ATAD3B: variants seen among roughly 807,000 people sequenced by gnomAD.
The protein encoded by ATAD3B is ATPase family AAA domain containing 3B, also known as ATPase family AAA domain-containing protein 3B.
In ATAD3B, 59 loss-of-function variants were observed where a neutral mutation model predicts 70.2. The ratio of observed to expected loss-of-function variants is 0.84; its 90% CI spans 0.68 to 1.04. The LOEUF (loss-of-function observed/expected upper bound fraction) is 1.04, where lower values mean the gene tolerates loss of function less well. Ranked by LOEUF, ATAD3B falls within the 50% of genes least tolerant of loss-of-function variation. ATAD3B has a pLI of 0.00. For missense variants in ATAD3B, 961 were observed against 913.4 expected (o/e 1.05, Z -0.67); for synonymous variants, 423 against 388.6 (o/e 1.09, Z -1.04).
intron 13 of ATAD3B, chr1:1,489,625 T>C (rs900805354): frequency 1.1e-5 from 15 of 1,324,610 alleles, no homozygotes; most frequent in African/African-American, 1.6e-5. Context: ...CGGCCCTATG[T>C]CCAGGCTCCC....
downstream of ATAD3B, among the ~76,000 whole-genome samples, chr1:1,498,730 TCTCA>T (rs576884860): frequency 2.6e-3 from 385 of 150,502 alleles, 2 homozygotes; most frequent in Middle Eastern, 0.014. Context: ...TCAGACGGAG[TCTCA>T]CTCCGTCGCC....
At chr1:1,503,542 C>G in the ATAD3B span, 21 of 1,581,636 alleles carry the variant, frequency 1.3e-5, no homozygotes, top group Non-Finnish European at 1.5e-5. Context: ...CAGCGGCATC[C>G]GTGTATCCTA....
the ATAD3B span, among the ~76,000 whole-genome samples, chr1:1,503,899 G>T: frequency 4.6e-5 from 7 of 152,222 alleles, no homozygotes; most frequent in East Asian, 1.4e-3. Context: ...TTGTCCGGAG[G>T]ATGGGGATCT....
Position 1,480,758 on chromosome 1 carries a change from C to T in ATAD3B, c.445-109C>T, listed in dbSNP as rs866552408. 2.6e-6 allele frequency: 4 copies of T among 1,547,896 alleles called. No individual in the cohort carries two copies. In the South Asian group the frequency reaches 4.7e-5, roughly 18 times the overall value. ...GCGGCGTCTGCAGGTCCCCAGGTGC[C>T]CAGGACGCTTGGAGTTCTGTGGTCC... On this transcript the variant is annotated intron_variant, in intron 4 of 15. Coordinates refer to ENST00000673477, the MANE Select transcript of ATAD3B (RefSeq NM_031921.6).
intron 11 of ATAD3B, among the ~76,000 whole-genome samples, chr1:1,487,281 G>T (rs1350918415): frequency 2.6e-5 from 4 of 151,856 alleles, no homozygotes; most frequent in Admixed American, 6.6e-5. Flanking sequence ...GAGGCCAGGA[G>T]ATTGAGACCA....
chr1:1,506,516 C>T, the ATAD3B span, among the ~76,000 whole-genome samples: 1 of 151,838 alleles, frequency 6.6e-6, no homozygotes, highest in Non-Finnish European at 1.5e-5. Flanking sequence ...TCTGCCTTGG[C>T]TCCCAAAGTG....
chr1:1,504,047 G>T, the ATAD3B span, among the ~76,000 whole-genome samples: 3 of 151,958 alleles, frequency 2.0e-5, no homozygotes, highest in East Asian at 3.9e-4. Flanking sequence ...GAGTGTCGTG[G>T]TGCGTTCTCG....
At chr1:1,507,570 A>G in the ATAD3B span, among the ~76,000 whole-genome samples, 2 of 152,048 alleles carry the variant, frequency 1.3e-5, no homozygotes. Context: ...TAATTTTTTT[A>G]TTATACTGCT....
chr1:1,496,028 A>G lies in ATAD3B; in HGVS notation c.*211A>G. The G allele has an allele frequency of 7.5e-7, 1 of 1,328,856 alleles. No individual in the cohort carries two copies. Among genetic ancestry groups the G allele is most frequent in the Non-Finnish European group, 9.6e-7 (1 of 1,040,214 alleles). 82.3% of individuals were successfully genotyped at this position (1,328,856 alleles called of 1,614,324 possible). On this transcript the variant is annotated 3_prime_UTR_variant, in exon 16 of 16. Coordinates refer to ENST00000673477, the MANE Select transcript of ATAD3B (RefSeq NM_031921.6). ...TCGGCTCCCACAGCAGAGCCAGGTG[A>G]GGGGGGGCCTGCCAGGACTAGACAG...
At chr1:1,493,647 T>C (rs1640642776) in intron 15 of ATAD3B, among the ~76,000 whole-genome samples, 1 of 151,002 alleles carries the variant, frequency 6.6e-6, no homozygotes, top group Non-Finnish European at 1.5e-5. Context: ...ATCATAAAAG[T>C]GTGTTGAATT....
intron 8 of ATAD3B, 26 bp downstream of exon 8, chr1:1,485,197 T>A: frequency 1.2e-6 from 2 of 1,607,288 alleles, no homozygotes; most frequent in South Asian, 2.2e-5. Context: ...TGGCCCTCCC[T>A]GAGTGCAGTT....
chr1:1,507,489 G>T, the ATAD3B span, among the ~76,000 whole-genome samples: 9 of 152,160 alleles, frequency 5.9e-5, no homozygotes, highest in Non-Finnish European at 1.0e-4. Flanking sequence ...TGAACATTTC[G>T]TATGTGGAAC....
the ATAD3B span, among the ~76,000 whole-genome samples, chr1:1,503,050 C>G: frequency 6.6e-6 from 1 of 151,132 alleles, no homozygotes; most frequent in Non-Finnish European, 1.5e-5. Flanking sequence ...GGGTGAAACC[C>G]TGTCTCTACT....
rs145173454 is a variant in ATAD3B, at chr1:1,487,849, T to C, written c.1215-14T>C. On this transcript the variant is annotated splice_polypyrimidine_tract_variant and intron_variant, in intron 11 of 15. Transcript: ENST00000673477. ...CGTCACTCTCGCCTTGCTTGGCCTC[T>C]CTCTCGTTCACAGCCTCCTGCTCTT... 1,400 of 1,612,454 alleles carry C rather than the reference T, an allele frequency of 8.7e-4. 26 individuals are homozygous for C. The highest frequency in any genetic ancestry group is 6.0e-3 in the South Asian group (550 of 91,000).
chr1:1,500,522 A>G (rs1325032225), downstream of ATAD3B, among the ~76,000 whole-genome samples: 5 of 142,608 alleles, frequency 3.5e-5, no homozygotes, highest in Admixed American at 7.3e-5. Context: ...ACTGCCCTCC[A>G]GTCTCTGGGG....
At chr1:1,503,289 C>G in the ATAD3B span, 2 of 345,620 alleles carry the variant, frequency 5.8e-6, no homozygotes, top group Admixed American at 3.9e-5. Context: ...CATCGCCTGA[C>G]TTTGTGTTGA....
rs1165268065 is a variant in ATAD3B at position 1,472,229 on chromosome 1, G to A, written c.205+140G>A. On this transcript the variant is annotated intron_variant, in intron 1 of 15. Coordinates refer to ENST00000673477, the MANE Select transcript of ATAD3B (RefSeq NM_031921.6). ...TGCGCCCCCGGAGCACCCCCGGCCG[G>A]AGCCGTCTCGCGTGCCGGGAGGATC... 9 of 1,406,234 alleles carry A rather than the reference G, an allele frequency of 6.4e-6. No homozygotes were observed. In the Admixed American group the frequency reaches 1.8e-4, roughly 28 times the overall value. The allele number at this position is 1,406,234 out of a possible 1,614,324, so 87.1% of individuals were successfully genotyped here.
chr1:1,497,387 C>T lies in ATAD3B; in HGVS notation c.*1570C>T, dbSNP rs1015550964. On this transcript the variant is annotated 3_prime_UTR_variant, in exon 16 of 16. Coordinates refer to ENST00000673477, the MANE Select transcript of ATAD3B (RefSeq NM_031921.6). ...TTAGCCCCAGAGGCGTGCACCACCA[C>T]GCCCGCTAATGCTAAAAATTTGTTG... 5 of 148,618 alleles carry T rather than the reference C, an allele frequency of 3.4e-5. No individual in the cohort carries two copies. The highest frequency in any genetic ancestry group is 6.7e-5 in the Admixed American group (1 of 14,832). 9.2% of individuals were successfully genotyped at this position (148,618 alleles called of 1,614,324 possible).
intron 2 of ATAD3B, chr1:1,478,293 G>C (rs536309949): frequency 3.3e-6 from 3 of 907,196 alleles, no homozygotes; most frequent in East Asian, 5.5e-5. Context: ...GATGGCGCCC[G>C]GCCCACTCAG....
Sources: allele counts gnomAD v4.1 joint callset (sites outside exome capture counted in the v4.1 genomes callset), GRCh38; gene constraint gnomAD v4.1.1; transcripts MANE v1.5; gene names NCBI Gene and HGNC (gene_info 2026-07-23, HGNC 2026-07-21).